Variants in POTEJ observed in about 807,000 individuals in gnomAD.
POTEJ encodes POTE ankyrin domain family member J.
In POTEJ, 11 loss-of-function variants were observed where a neutral mutation model predicts 69.0. The ratio of observed to expected loss-of-function variants is 0.16; its 90% CI spans 0.10 to 0.26. The LOEUF is 0.26. Ranked by LOEUF, POTEJ falls within the 10% of genes least tolerant of loss-of-function variation. POTEJ has a pLI of 1.00. For synonymous variants in POTEJ, 117 were observed against 381.1 expected, an observed-to-expected ratio of 0.31 and a Z score of 8.07; for missense variants, 327 against 1,045.5, an observed-to-expected ratio of 0.31 and a Z score of 9.48.
intron 11 of POTEJ, among the ~76,000 whole-genome samples, chr2:130,644,579 C>T (rs1392249865): frequency 6.6e-6 from 1 of 152,192 alleles, no homozygotes; most frequent in Non-Finnish European, 1.5e-5. Context: ...TGATATTTAA[C>T]TTCAACATAA....
chr2:130,612,553 G>A (rs1163974526), intron 1 of POTEJ, among the ~76,000 whole-genome samples: 11 of 152,396 alleles, frequency 7.2e-5, no homozygotes, highest in African/African-American at 2.6e-4. Flanking sequence ...GAGGTCAGGA[G>A]ATCGAGACCA....
At chr2:130,646,816 C>G (rs1309301938) in intron 13 of POTEJ, among the ~76,000 whole-genome samples, 2 of 146,604 alleles carry the variant, frequency 1.4e-5, no homozygotes, top group Non-Finnish European at 3.0e-5. Flanking sequence ...TCTGTTCCTG[C>G]ATGAGTTTTC....
At chr2:130,626,915 T>C (rs1168423144) in intron 6 of POTEJ, among the ~76,000 whole-genome samples, 1 of 152,176 alleles carries the variant, frequency 6.6e-6, no homozygotes, top group Admixed American at 6.5e-5. Flanking sequence ...CAGGCTTTTT[T>C]TTAAATAAAA....
chr2:130,614,304 T>C (rs1257327482), intron 1 of POTEJ, among the ~76,000 whole-genome samples: 1 of 151,968 alleles, frequency 6.6e-6, no homozygotes, highest in African/African-American at 2.4e-5. Context: ...TGGTAAGAAC[T>C]ACATTTTAAA....
At chr2:130,641,055 C>T (rs1199420575) in intron 10 of POTEJ, among the ~76,000 whole-genome samples, 2 of 152,088 alleles carry the variant, frequency 1.3e-5, no homozygotes, top group Non-Finnish European at 2.9e-5. Flanking sequence ...GTCATATCTA[C>T]TTAACCGTGC....
chr2:130,613,382 G>GATA (rs1685308142), intron 1 of POTEJ, among the ~76,000 whole-genome samples: 1 of 85,498 alleles, frequency 1.2e-5, no homozygotes, highest in African/African-American at 3.9e-5. Context: ...GTGTGTGTGT[G>GATA]TGTATATATA....
intron 1 of POTEJ, among the ~76,000 whole-genome samples, chr2:130,612,401 G>A (rs566789842): frequency 5.2e-4 from 78 of 149,916 alleles, no homozygotes; most frequent in African/African-American, 1.7e-3. Flanking sequence ...TCTTTACTGA[G>A]GAACCTTAGA....
chr2:130,649,622 C>T (rs1417256362), intron 13 of POTEJ, among the ~76,000 whole-genome samples: 12 of 152,238 alleles, frequency 7.9e-5, no homozygotes, highest in Admixed American at 1.3e-4. Flanking sequence ...GATTGCCTCC[C>T]ATTTCACTCT....
chr2:130,649,587 G>A (rs1476345735), intron 13 of POTEJ, among the ~76,000 whole-genome samples: 1 of 152,176 alleles, frequency 6.6e-6, no homozygotes, highest in Admixed American at 6.5e-5. Context: ...GTCAAATGTT[G>A]TCATTCCTCT....
At chr2:130,655,941 TGTGTACA>T (rs1686970671) in intron 14 of POTEJ, among the ~76,000 whole-genome samples, 1 of 139,928 alleles carries the variant, frequency 7.1e-6, no homozygotes, top group Non-Finnish European at 1.5e-5. Flanking sequence ...TAGATACAGA[TGTGTACA>T]GTGTAGAAGG....
At chr2:130,613,384 G>GTATATATATATATA (rs753097212) in intron 1 of POTEJ, among the ~76,000 whole-genome samples, 1 of 83,556 alleles carries the variant, frequency 1.2e-5, no homozygotes, top group African/African-American at 4.6e-5. Context: ...GTGTGTGTGT[G>GTATATATATATATA]TATATATATA....
intron 6 of POTEJ, among the ~76,000 whole-genome samples, chr2:130,626,729 A>G (rs1448859777): frequency 2.0e-5 from 3 of 152,172 alleles, no homozygotes; most frequent in African/African-American, 4.8e-5. Context: ...CTTGTCATAC[A>G]TCCTTGGAGT....
chr2:130,624,925 T>C (rs1289405156), intron 6 of POTEJ, among the ~76,000 whole-genome samples: 1 of 152,120 alleles, frequency 6.6e-6, no homozygotes, highest in Non-Finnish European at 1.5e-5. Flanking sequence ...TAGAACAAGA[T>C]GCTCTGCTAC....
chr2:130,640,487 T>G (rs1358357672), intron 10 of POTEJ, among the ~76,000 whole-genome samples: 1 of 151,582 alleles, frequency 6.6e-6, no homozygotes, highest in African/African-American at 2.4e-5. Flanking sequence ...ACCAGAGTTG[T>G]TTTTTTATTC....
At chr2:130,625,525 G>A (rs1685675546) in intron 6 of POTEJ, among the ~76,000 whole-genome samples, 1 of 151,742 alleles carries the variant, frequency 6.6e-6, no homozygotes, top group Non-Finnish European at 1.5e-5. Flanking sequence ...AAAAAAGTAG[G>A]TATGATTTAA....
At chr2:130,650,547 T>C (rs1338377422) in intron 13 of POTEJ, among the ~76,000 whole-genome samples, 2 of 149,964 alleles carry the variant, frequency 1.3e-5, no homozygotes, top group African/African-American at 5.0e-5. Flanking sequence ...GGTATATTGT[T>C]TGATTGATTC....
chr2:130,613,636 C>A (rs1440304809), intron 1 of POTEJ, among the ~76,000 whole-genome samples: 1 of 138,398 alleles, frequency 7.2e-6, no homozygotes, highest in Non-Finnish European at 1.5e-5. Flanking sequence ...CTCCTGTCCT[C>A]GTGATCCACC....
chr2:130,631,926 T>A (rs551948301), intron 8 of POTEJ, among the ~76,000 whole-genome samples: 2 of 143,490 alleles, frequency 1.4e-5, no homozygotes, highest in South Asian at 4.2e-4. Context: ...TGGCTCCCAT[T>A]TTCAGTGAGC....
chr2:130,636,406 G>A (rs1686093358), intron 9 of POTEJ, among the ~76,000 whole-genome samples: 1 of 145,880 alleles, frequency 6.9e-6, no homozygotes, highest in Admixed American at 6.9e-5. Flanking sequence ...TTTGTATCTT[G>A]ACATCAACGC....
Sources: gnomAD v4.1 joint callset for allele counts (sites outside exome capture counted in the v4.1 genomes callset) on GRCh38, gnomAD v4.1.1 for gene constraint, MANE v1.5 for transcripts, NCBI Gene and HGNC (gene_info 2026-07-23, HGNC 2026-07-21) for gene names.